The following NPAS3 variants were observed in gnomAD, a reference collection of about 807,000 sequenced individuals.
The protein encoded by NPAS3 is neuronal PAS domain-containing protein 3.
Under a neutral mutation model 73.1 loss-of-function variants are expected in NPAS3, and 14 were observed. The ratio of observed to expected loss-of-function variants is 0.19; its 90% confidence interval spans 0.13 to 0.30. NPAS3 has a LOEUF of 0.30. Among genes scored for constraint, NPAS3 ranks in the 10% least tolerant of loss-of-function variants. The probability of loss-of-function intolerance (pLI) is 1.00; values close to 1 mark genes in which losing one functional copy is unlikely to be tolerated. For missense variants in NPAS3, 1,096 were observed against 1,250.0 expected (o/e 0.88, Z 1.86); for synonymous variants, 620 against 541.5 (o/e 1.14, Z -2.01).
chr14:32,994,633 TTTG>T (rs968173919), intron 1 of NPAS3, among the ~76,000 whole-genome samples: 2 of 125,922 alleles, frequency 1.6e-5, no homozygotes, highest in African/African-American at 7.5e-5. Flanking sequence ...TTTGTTTGTT[TTTG>T]TTTTTTTTTT....
intron 2 of NPAS3, among the ~76,000 whole-genome samples, chr14:33,176,304 C>A (rs1281920854): frequency 6.6e-6 from 1 of 152,154 alleles, no homozygotes; most frequent in Non-Finnish European, 1.5e-5. Flanking sequence ...GCAGCCATCA[C>A]CACTATTTTC....
chr14:33,507,556 A>G (rs1730516660), intron 4 of NPAS3, among the ~76,000 whole-genome samples: 1 of 151,850 alleles, frequency 6.6e-6, no homozygotes, highest in Admixed American at 6.6e-5. Context: ...TATTCTTTTT[A>G]TTATATAACT....
chr14:33,681,858 G>C (rs936038944), intron 6 of NPAS3, among the ~76,000 whole-genome samples: 1 of 147,624 alleles, frequency 6.8e-6, no homozygotes, highest in African/African-American at 2.6e-5. Context: ...CTTAATGACA[G>C]AGTTAGAGCT....
Position 33,328,446 on chromosome 14 carries a change from C to CTTTTTTTTTTTTTTTTTTTTTTTT in NPAS3, c.386-38725_386-38702dup, listed in dbSNP as rs58411120. Among the ~76,000 whole-genome samples, 2 of 49,598 alleles carry CTTTTTTTTTTTTTTTTTTTTTTTT rather than the reference C, an allele frequency of 4.0e-5. 1 individual carries two copies. The highest frequency in any genetic ancestry group is 7.5e-5 in the Non-Finnish European group (2 of 26,756). 32.5% of individuals were successfully genotyped at this position (49,598 alleles called of 152,430 possible). ...TTTATCTTTCTTTTCCTTTTCTTTT[C>CTTTTTTTTTTTTTTTTTTTTTTTT]TTTTTTTTTTTTTTTTTTTTTTTTT... On this transcript the variant is annotated intron_variant, in intron 3 of 11. Transcript: ENST00000356141.
chr14:33,113,912 C>T (rs1197820249), intron 2 of NPAS3, among the ~76,000 whole-genome samples: 1 of 152,148 alleles, frequency 6.6e-6, no homozygotes, highest in African/African-American at 2.4e-5. Flanking sequence ...TTTTCTGCAT[C>T]TATTGAGATA....
chr14:32,951,253 A>T (rs2036473309), intron 1 of NPAS3, among the ~76,000 whole-genome samples: 1 of 152,136 alleles, frequency 6.6e-6, no homozygotes, highest in Non-Finnish European at 1.5e-5. Context: ...GATTTGAATT[A>T]TGTGGATATA....
chr14:33,413,160 G>A (rs1446710608), intron 4 of NPAS3, among the ~76,000 whole-genome samples: 1 of 151,916 alleles, frequency 6.6e-6, no homozygotes, highest in East Asian at 1.9e-4. Context: ...ATTCCTTGCT[G>A]GAGTATTTTT....
chr14:33,249,274 A>G (rs2048493752), intron 3 of NPAS3, among the ~76,000 whole-genome samples: 1 of 152,032 alleles, frequency 6.6e-6, no homozygotes, highest in African/African-American at 2.4e-5. Context: ...TATTTCAAAG[A>G]GTCAAACTGA....
intron 2 of NPAS3, among the ~76,000 whole-genome samples, chr14:33,056,959 C>T (rs2040912097): frequency 6.6e-6 from 1 of 152,134 alleles, no homozygotes; most frequent in Non-Finnish European, 1.5e-5. Context: ...GACTATTGAA[C>T]AATACCATTT....
chr14:32,938,052 A>G (rs1002304564), upstream of NPAS3, among the ~76,000 whole-genome samples: 1 of 152,100 alleles, frequency 6.6e-6, no homozygotes, highest in Non-Finnish European at 1.5e-5. Flanking sequence ...CCGGGACCCG[A>G]GTCGGGAGGG....
chr14:33,147,836 G>T (rs1272997487), intron 2 of NPAS3, among the ~76,000 whole-genome samples: 1 of 150,050 alleles, frequency 6.7e-6, no homozygotes, highest in Non-Finnish European at 1.5e-5. Context: ...GCAATTATTA[G>T]AAGATGAAAA....
chr14:32,975,498 T>G (rs560053147), intron 1 of NPAS3, among the ~76,000 whole-genome samples: 28 of 152,206 alleles, frequency 1.8e-4, no homozygotes, highest in Non-Finnish European at 3.8e-4. Flanking sequence ...TCCTTTCAGT[T>G]TCTAGAAGGG....
chr14:33,188,094 C>T (rs1020914759), intron 2 of NPAS3, among the ~76,000 whole-genome samples: 2 of 152,178 alleles, frequency 1.3e-5, no homozygotes, highest in African/African-American at 2.4e-5. Context: ...TGCCATGGAC[C>T]ATATCAATTC....
chr14:33,016,081 A>G (rs2039381196), intron 1 of NPAS3, among the ~76,000 whole-genome samples: 1 of 152,172 alleles, frequency 6.6e-6, no homozygotes, highest in Non-Finnish European at 1.5e-5. Context: ...TAAAATCTGA[A>G]AAATTGATGC....
rs116391941 is a variant in NPAS3, at chr14:33,544,454, G to A, written c.469-15667G>A. ...GTAATTAAGGTTAAATGAGATTTTA[G>A]GGATAAGGTCTTGATCCAGTAGGGT... is the stretch of plus-strand genomic sequence containing the variant. On this transcript the variant is annotated intron_variant, in intron 4 of 11. Coordinates refer to ENST00000356141, the Ensembl canonical transcript of NPAS3. 3.2e-3 allele frequency among the ~76,000 whole-genome samples: 483 copies of A among 152,124 alleles called. 7 individuals carry two copies. Among genetic ancestry groups the A allele is most frequent in the African/African-American group, 0.011 (466 of 41,504 alleles).
chr14:33,267,258 T>C (rs1186089170), intron 3 of NPAS3, among the ~76,000 whole-genome samples: 1 of 152,216 alleles, frequency 6.6e-6, no homozygotes, highest in East Asian at 1.9e-4. Context: ...TCCAGCTCAT[T>C]GTACTTTCTA....
At position 33,550,008 on chromosome 14, in the gene NPAS3, A is replaced by T. The variant is rs150529466; in HGVS notation, c.469-10113A>T. ...AAACAACAAAAGATTCACTTTAGGA[A>T]GCCAGTGGAAAATACCAGAATTTGA... On this transcript the variant is annotated intron_variant, in intron 4 of 11. Transcript: ENST00000356141. Among the ~76,000 whole-genome samples the T allele has an allele frequency of 2.5e-4, 38 of 152,276 alleles. 1 individual carries two copies. In the East Asian group the frequency reaches 4.6e-3, roughly 19 times the overall value.
chr14:33,244,411 A>G (rs977283522), intron 3 of NPAS3, among the ~76,000 whole-genome samples: 2 of 152,156 alleles, frequency 1.3e-5, no homozygotes, highest in African/African-American at 4.8e-5. Flanking sequence ...ATTTGGAACT[A>G]TATGATGCTT....
At position 33,306,655 on chromosome 14, in the gene NPAS3, A is replaced by G. The variant is rs571518961; in HGVS notation, c.386-60531A>G. ...TTTGGAGTTCATTAATTTGTATTGC[A>G]CAGGTAGTTTTACTAAAGTAGGTTA... is the stretch of plus-strand genomic sequence containing the variant. On this transcript the variant is annotated intron_variant, in intron 3 of 11. Coordinates refer to ENST00000356141, the Ensembl canonical transcript of NPAS3. 2.0e-5 allele frequency among the ~76,000 whole-genome samples: 3 copies of G among 152,322 alleles called. No individual in the cohort carries two copies. The South Asian group carries it at 6.2e-4, about 32-fold the overall frequency.
Sources: allele counts gnomAD v4.1 joint callset (sites outside exome capture counted in the v4.1 genomes callset), GRCh38; gene constraint gnomAD v4.1.1; transcripts MANE v1.5; gene names NCBI Gene and HGNC (gene_info 2026-07-23, HGNC 2026-07-21).